The following SH2D4A variants were observed in gnomAD, a reference collection of about 807,000 sequenced individuals.
SH2D4A encodes the protein SH2 domain-containing protein 4A.
In SH2D4A, 70 loss-of-function variants were observed where a neutral mutation model predicts 64.7. The ratio of observed to expected loss-of-function variants is 1.08; its 90% CI spans 0.89 to 1.32. The LOEUF (loss-of-function observed/expected upper bound fraction) is 1.32. Ranked by LOEUF, SH2D4A falls within the 40% of genes most tolerant of loss-of-function variation. The pLI is 0.00. For missense variants in SH2D4A, 706 were observed against 540.1 expected (o/e 1.31, Z -3.04); for synonymous variants, 268 against 200.7 (o/e 1.34, Z -2.83).
At chr8:19,392,048 G>A (rs2053501901) in intron 8 of SH2D4A, among the ~76,000 whole-genome samples, 1 of 152,104 alleles carries the variant, frequency 6.6e-6, no homozygotes, top group Admixed American at 6.5e-5. Context: ...TCTACTCTGT[G>A]AGTTTTACAG....
intron 1 of SH2D4A, among the ~76,000 whole-genome samples, chr8:19,314,862 A>G (rs141385948): frequency 3.3e-4 from 50 of 152,304 alleles, no homozygotes; most frequent in African/African-American, 1.1e-3. Context: ...ATCTCTGGTA[A>G]TTTGTTTCAT....
In SH2D4A at chr8:19,324,187, C is replaced by T. The variant is rs113680765; in HGVS notation, c.181+4459C>T. ...TTTATTGGGTAACGCAAACAGAAGA[C>T]GCCTTCGCTTAGCAGCGTGTTTCCC... On this transcript the variant is annotated intron_variant, in intron 2 of 9. Coordinates refer to ENST00000265807, the MANE Select transcript of SH2D4A (RefSeq NM_022071.4). 7.5e-3 allele frequency among the ~76,000 whole-genome samples: 1,138 copies of T among 152,260 alleles called. 18 individuals are homozygous for T. The highest frequency in any genetic ancestry group is 0.026 in the African/African-American group (1,077 of 41,558).
At chr8:19,356,495 C>T (rs929124127) in intron 4 of SH2D4A, among the ~76,000 whole-genome samples, 1 of 152,216 alleles carries the variant, frequency 6.6e-6, no homozygotes. Context: ...TTAGGCTCTG[C>T]ACTCCAGCCA....
chr8:19,355,527 G>A (rs544520399), intron 4 of SH2D4A, among the ~76,000 whole-genome samples: 1 of 152,328 alleles, frequency 6.6e-6, no homozygotes, highest in South Asian at 2.1e-4. Context: ...CAAGGAATAA[G>A]CATTAGATAT....
chr8:19,380,512 C>T (rs1001096131), intron 8 of SH2D4A, among the ~76,000 whole-genome samples: 7 of 152,100 alleles, frequency 4.6e-5, no homozygotes, highest in African/African-American at 1.7e-4. Context: ...TTAGGTCTTA[C>T]ATTTAAGTCT....
chr8:19,386,059 G>C (rs1410332743), intron 8 of SH2D4A, among the ~76,000 whole-genome samples: 1 of 152,144 alleles, frequency 6.6e-6, no homozygotes, highest in Non-Finnish European at 1.5e-5. Flanking sequence ...GAGAGGCTGT[G>C]GCCAGCAACA....
chr8:19,334,618 A>G (rs532016707), intron 3 of SH2D4A, 68 bp from the exon 4 acceptor site: 1 of 1,498,370 alleles, frequency 6.7e-7, no homozygotes, highest in African/African-American at 1.4e-5. Flanking sequence ...GAATGTCGAC[A>G]TATGCTTTGG....
At chr8:19,389,104 G>C (rs916490661) in intron 8 of SH2D4A, among the ~76,000 whole-genome samples, 1 of 152,212 alleles carries the variant, frequency 6.6e-6, no homozygotes. Context: ...ATCAGGACAC[G>C]TCATGTTCTG....
intron 8 of SH2D4A, among the ~76,000 whole-genome samples, chr8:19,381,125 C>T (rs1172561658): frequency 3.3e-5 from 5 of 151,780 alleles, no homozygotes; most frequent in African/African-American, 4.8e-5. Flanking sequence ...TCTTTGCTCA[C>T]TGCAACCTCC....
At chr8:19,363,111 T>C (rs1270398231) in intron 6 of SH2D4A, among the ~76,000 whole-genome samples, 11 of 152,090 alleles carry the variant, frequency 7.2e-5, no homozygotes, top group African/African-American at 2.7e-4. Context: ...GTTTCGCTCT[T>C]GTCACCCAGG....
chr8:19,369,929 T>A (rs2053066408), intron 7 of SH2D4A, among the ~76,000 whole-genome samples: 1 of 152,114 alleles, frequency 6.6e-6, no homozygotes, highest in African/African-American at 2.4e-5. Flanking sequence ...CTTTCTACTT[T>A]TTTGATATGT....
At chr8:19,342,071 C>A (rs2052538338) in intron 4 of SH2D4A, among the ~76,000 whole-genome samples, 1 of 152,152 alleles carries the variant, frequency 6.6e-6, no homozygotes, top group Non-Finnish European at 1.5e-5. Flanking sequence ...TTCTAGTTAA[C>A]AATTACCCTT....
chr8:19,326,008 T>C (rs2052273244), intron 2 of SH2D4A, among the ~76,000 whole-genome samples: 1 of 152,188 alleles, frequency 6.6e-6, no homozygotes, highest in South Asian at 2.1e-4. Context: ...GGGTCCTGTG[T>C]GTGGTTGCCA....
At chr8:19,390,382 G>A (rs946508334) in intron 8 of SH2D4A, among the ~76,000 whole-genome samples, 4 of 152,046 alleles carry the variant, frequency 2.6e-5, no homozygotes, top group Admixed American at 6.6e-5. Context: ...AAAAGAAAAC[G>A]TGGAATAAGT....
chr8:19,325,958 A>T (rs1050337456), intron 2 of SH2D4A, among the ~76,000 whole-genome samples: 5 of 152,182 alleles, frequency 3.3e-5, no homozygotes, highest in African/African-American at 1.2e-4. Context: ...GGAGCTGGGA[A>T]AGAACATGAT....
intron 4 of SH2D4A, among the ~76,000 whole-genome samples, chr8:19,335,295 CA>C (rs796070964): frequency 2.3e-4 from 33 of 142,148 alleles, no homozygotes; most frequent in Middle Eastern, 3.7e-3. Context: ...GACTCCATCT[CA>C]AAAAAAAAAA....
chr8:19,361,372 A>T, intron 6 of SH2D4A, 58 bp downstream of exon 6: 1 of 1,515,174 alleles, frequency 6.6e-7, no homozygotes, highest in Non-Finnish European at 8.8e-7. Flanking sequence ...TCTCTCCCTT[A>T]ATAATGTGAT....
chr8:19,361,309 C>A lies in SH2D4A; in HGVS notation c.701C>A (p.Ala234Glu). 1 of 1,609,966 alleles carries A rather than the reference C, an allele frequency of 6.2e-7. No individual in the cohort carries two copies. Among genetic ancestry groups the A allele is most frequent in the Non-Finnish European group, 8.5e-7 (1 of 1,178,800 alleles). ...TGGAAAGAAGACTCGGAATGGCAGG[C>A]ATCTCGTGAGTACCCAGAGGTCTCC... is the stretch of plus-strand genomic sequence containing the variant. ...KSWKEDSEWQASLRKSKAADE... is the reference protein window; with the variant it reads ...KSWKEDSEWQESLRKSKAADE... Residue 234 changes from alanine to glutamate, a missense_variant, in exon 6 of 10, where the codon GCA becomes GAA. Coordinates refer to ENST00000265807, the MANE Select transcript of SH2D4A (RefSeq NM_022071.4).
intron 8 of SH2D4A, among the ~76,000 whole-genome samples, chr8:19,374,314 C>T (rs187652773): frequency 1.3e-5 from 2 of 152,216 alleles, no homozygotes; most frequent in Admixed American, 6.5e-5. Flanking sequence ...CTTCACAGGC[C>T]CCTCTGTTTC....
Sources: allele counts gnomAD v4.1 joint callset (sites outside exome capture counted in the v4.1 genomes callset), GRCh38; gene constraint gnomAD v4.1.1; transcripts MANE v1.5; gene names NCBI Gene and HGNC (gene_info 2026-07-23, HGNC 2026-07-21).